EAF1: variants seen among roughly 807,000 people sequenced by gnomAD.
EAF1 encodes the protein ELL associated factor 1.
In EAF1, 19 loss-of-function variants were observed where a neutral mutation model predicts 26.6. That is an observed-to-expected ratio of 0.71 (90% CI 0.50 to 1.05). The LOEUF (loss-of-function observed/expected upper bound fraction) is 1.05. EAF1 is among the 50% of genes least tolerant of loss of function. The pLI, the probability that EAF1 is intolerant of heterozygous loss-of-function variation, is 0.00. For synonymous variants in EAF1, 102 were observed against 120.6 expected, an observed-to-expected ratio of 0.85 and a Z score of 1.01; for missense variants, 260 against 335.5, an observed-to-expected ratio of 0.78 and a Z score of 1.76.
intron 1 of EAF1, among the ~76,000 whole-genome samples, 176 bp downstream of exon 1, chr3:15,428,058 GATT>G (rs2061766662): frequency 6.6e-6 from 1 of 152,000 alleles, no homozygotes; most frequent in African/African-American, 2.4e-5. Flanking sequence ...CTTTTACCCA[GATT>G]ATTTCTCCCA....
At chr3:15,431,523 G>A (rs1004904071) in intron 2 of EAF1, among the ~76,000 whole-genome samples, 1 of 152,224 alleles carries the variant, frequency 6.6e-6, no homozygotes, top group Non-Finnish European at 1.5e-5. Context: ...AGGGTGAGGT[G>A]GAGAGCCAGG....
chr3:15,429,416 A>G (rs547287238), intron 1 of EAF1, among the ~76,000 whole-genome samples: 33 of 152,252 alleles, frequency 2.2e-4, no homozygotes, highest in African/African-American at 7.5e-4. Flanking sequence ...ATGCGGAATG[A>G]AATCAGCTTT....
At position 15,427,625 on chromosome 3, in the gene EAF1, A is replaced by G; in HGVS notation, c.-155A>G. On this transcript the variant is annotated 5_prime_UTR_variant, in exon 1 of 6. Coordinates refer to ENST00000396842, the MANE Select transcript of EAF1 (RefSeq NM_033083.7). ...CTCTCACCCCCACGCAGAGGAGAGAACTTGCTTCTGGACCCGGGTGGGTGC... is the reference window on the plus strand; with the variant it reads ...CTCTCACCCCCACGCAGAGGAGAGAGCTTGCTTCTGGACCCGGGTGGGTGC... 1 of 707,348 alleles carries G rather than the reference A, an allele frequency of 1.4e-6. No individual in the cohort carries two copies. The highest frequency in any genetic ancestry group is 2.4e-6 in the Non-Finnish European group (1 of 413,342). 43.8% of individuals were successfully genotyped at this position (707,348 alleles called of 1,614,324 possible).
At chr3:15,437,037 A>T (rs1022160693) in intron 5 of EAF1, among the ~76,000 whole-genome samples, 2 of 152,110 alleles carry the variant, frequency 1.3e-5, no homozygotes, top group African/African-American at 4.8e-5. Context: ...CTGGGATTAC[A>T]AGCATGTCCC....
chr3:15,428,180 TAAGGCAAACCTCCCTCCCCC>T (rs2061768505), intron 1 of EAF1, among the ~76,000 whole-genome samples: 1 of 11,746 alleles, frequency 8.5e-5, no homozygotes, highest in African/African-American at 3.6e-4. Context: ...ACCTCGCCCC[TAAGGCAAACCTCCCTCCCCC>T]AAGGCAAACC....
At chr3:15,438,527 T>G (rs1378663583) in intron 5 of EAF1, 1 of 148,974 alleles carries the variant, frequency 6.7e-6, no homozygotes, top group Non-Finnish European at 1.5e-5. Flanking sequence ...TTTTTTTTTC[T>G]TTTTTCTTTT....
intron 4 of EAF1, 42 bp downstream of exon 4, chr3:15,434,580 G>C (rs971759614): frequency 1.9e-6 from 3 of 1,604,478 alleles, no homozygotes; most frequent in Non-Finnish European, 2.6e-6. Context: ...ACTTGGAGTA[G>C]AGTGCTGAAT....
chr3:15,431,957 A>G, intron 2 of EAF1, 130 bp from the exon 3 acceptor site: 1 of 1,057,152 alleles, frequency 9.5e-7, no homozygotes, highest in Non-Finnish European at 1.3e-6. Flanking sequence ...ATAAAATAGA[A>G]ATCAGTTCAA....
intron 2 of EAF1, among the ~76,000 whole-genome samples, chr3:15,431,747 A>G (rs559780932): frequency 3.9e-5 from 6 of 152,236 alleles, no homozygotes; most frequent in Non-Finnish European, 8.8e-5. Context: ...ACAAAGAAAT[A>G]GAGATCACTC....
chr3:15,430,475 A>AT (rs2061796016), intron 2 of EAF1, among the ~76,000 whole-genome samples: 1 of 151,702 alleles, frequency 6.6e-6, no homozygotes, highest in South Asian at 2.1e-4. Context: ...AAAAAAAAAA[A>AT]AGATTATTCG....
In EAF1 at chr3:15,436,492, A is replaced by G. The variant is rs2061836421; in HGVS notation, c.677A>G (p.His226Arg). Residue 226 changes from histidine (H) to arginine (R), a missense_variant, in exon 5 of 6, where the codon CAC becomes CGC. Coordinates refer to ENST00000396842, the MANE Select transcript of EAF1 (RefSeq NM_033083.7). ...NGPASPPQPSHQQPYNSRPAV... is the reference protein window; with the variant it reads ...NGPASPPQPSRQQPYNSRPAV... ...CCAGCCTCTCCTCCGCAGCCTTCAC[A>G]CCAGCAGCCCTACAACAGTAGGCCT... The G allele has an allele frequency of 6.2e-7, 1 of 1,611,840 alleles. No individual in the cohort carries two copies. Among genetic ancestry groups the G allele is most frequent in the Admixed American group, 1.7e-5 (1 of 59,976 alleles).
In EAF1 at chr3:15,428,199, C is replaced by A. The variant is rs190611032; in HGVS notation, c.103+317C>A. On this transcript the variant is annotated intron_variant, in intron 1 of 5. Coordinates refer to ENST00000396842, the MANE Select transcript of EAF1 (RefSeq NM_033083.7). ...CGCCCCTAAGGCAAACCTCCCTCCC[C>A]CAAGGCAAACCTCCCCCCTCTTATC... 3.3e-4 allele frequency among the ~76,000 whole-genome samples: 50 copies of A among 151,038 alleles called. 2 individuals are homozygous for A. In the East Asian group the frequency reaches 8.2e-3, roughly 25 times the overall value.
chr3:15,428,951 A>C (rs1277604211), intron 1 of EAF1, among the ~76,000 whole-genome samples: 2 of 152,238 alleles, frequency 1.3e-5, no homozygotes, highest in Non-Finnish European at 2.9e-5. Context: ...TTCAGAGAGA[A>C]GAGATGGGAA....
At chr3:15,436,724 A>G (rs2061838436) in intron 5 of EAF1, 149 bp downstream of exon 5, 1 of 567,334 alleles carries the variant, frequency 1.8e-6, no homozygotes, top group Non-Finnish European at 2.9e-6. Context: ...GTGAGTTACT[A>G]AACAGTAAAA....
chr3:15,432,273 T>TAGATTATAAA, intron 3 of EAF1, 50 bp downstream of exon 3: 1 of 1,602,262 alleles, frequency 6.2e-7, no homozygotes, highest in East Asian at 2.2e-5. Context: ...AAACCTCTGT[T>TAGATTATAAA]ATCTATTCAG....
chr3:15,431,788 C>G (rs1207502007), intron 2 of EAF1, among the ~76,000 whole-genome samples: 1 of 152,176 alleles, frequency 6.6e-6, no homozygotes, highest in East Asian at 1.9e-4. Flanking sequence ...GATAACTCTG[C>G]TTAGTATAAT....
In EAF1 at chr3:15,441,464, G is replaced by C. The variant is rs1413536602; in HGVS notation, c.*2309G>C. Reference sequence around the variant, plus strand: ...CTTGTCTTTTTTTTCAACCCACATGGAGTGCCCTGTGTGTACATACTGACC... The same window carrying C: ...CTTGTCTTTTTTTTCAACCCACATGCAGTGCCCTGTGTGTACATACTGACC... On this transcript the variant is annotated 3_prime_UTR_variant, in exon 6 of 6. Coordinates refer to ENST00000396842, the MANE Select transcript of EAF1 (RefSeq NM_033083.7). The C allele has an allele frequency of 6.7e-6, 1 of 150,172 alleles. No individual in the cohort carries two copies. Among genetic ancestry groups the C allele is most frequent in the Non-Finnish European group, 1.5e-5 (1 of 67,560 alleles). The allele number at this position is 150,172 out of a possible 1,614,324, so 9.3% of individuals were successfully genotyped here.
At position 15,440,434 on chromosome 3, in the gene EAF1, C is replaced by T. The variant is rs1400900140; in HGVS notation, c.*1279C>T. 1.3e-5 allele frequency: 2 copies of T among 152,054 alleles called. No homozygotes were observed. Among genetic ancestry groups the T allele is most frequent in the Non-Finnish European group, 2.9e-5 (2 of 68,030 alleles). 9.4% of individuals were successfully genotyped at this position (152,054 alleles called of 1,614,324 possible). ...TCATCCTGTAATCAGTATGGAGTAA[C>T]CTGTTTTTGTAGTTTGGATGAATAT... On this transcript the variant is annotated 3_prime_UTR_variant, in exon 6 of 6. Coordinates refer to ENST00000396842, the MANE Select transcript of EAF1 (RefSeq NM_033083.7).
intron 4 of EAF1, 23 bp from the exon 5 acceptor site, chr3:15,436,319 C>G (rs749754070): frequency 6.4e-7 from 1 of 1,569,378 alleles, no homozygotes; most frequent in Non-Finnish European, 8.7e-7. Flanking sequence ...CTGTGCTGAT[C>G]CATGTCATAT....
Sources: gnomAD v4.1 joint callset for allele counts (sites outside exome capture counted in the v4.1 genomes callset) on GRCh38, gnomAD v4.1.1 for gene constraint, MANE v1.5 for transcripts, NCBI Gene and HGNC (gene_info 2026-07-23, HGNC 2026-07-21) for gene names.